RSF1: variants seen among roughly 807,000 people sequenced by gnomAD.
The protein encoded by RSF1 is remodeling and spacing factor 1, also known as HBV pX-associated protein 8.
A neutral mutation model predicts 145.2 loss-of-function variants in RSF1; 13 were observed. That is an observed-to-expected ratio of 0.09 (90% CI 0.06 to 0.14). RSF1 has a LOEUF of 0.14. Among genes scored for constraint, RSF1 ranks in the 10% least tolerant of loss-of-function variants. RSF1 has a pLI of 1.00. For missense variants in RSF1, 1,517 were observed against 1,718.2 expected (o/e 0.88, Z 2.07); for synonymous variants, 577 against 592.6 (o/e 0.97, Z 0.38).
chr11:77,824,187 C>G (rs563102087), upstream of RSF1, among the ~76,000 whole-genome samples: 329 of 152,278 alleles, frequency 2.2e-3, no homozygotes, highest in Non-Finnish European at 3.1e-3. Flanking sequence ...TTCTTGCTTT[C>G]CTGGGCTAAG....
intron 1 of RSF1, among the ~76,000 whole-genome samples, chr11:77,800,863 A>G (rs897365287): frequency 5.9e-5 from 9 of 151,862 alleles, no homozygotes; most frequent in African/African-American, 1.9e-4. Flanking sequence ...CTGTCTCTTC[A>G]ATTAGCTGAG....
At chr11:77,679,627 T>C (rs1383433658) in intron 11 of RSF1, among the ~76,000 whole-genome samples, 1 of 148,642 alleles carries the variant, frequency 6.7e-6, no homozygotes, top group African/African-American at 2.5e-5. Context: ...AAGCCGAGAA[T>C]GCACCACTGC....
chr11:77,833,919 T>C, the RSF1 span, among the ~76,000 whole-genome samples: 6 of 152,342 alleles, frequency 3.9e-5, no homozygotes, highest in African/African-American at 1.4e-4. Context: ...CAAAGAGTTA[T>C]ACATGTTAGA....
intron 4 of RSF1, among the ~76,000 whole-genome samples, chr11:77,737,597 AAAG>A (rs1465329943): frequency 2.1e-5 from 3 of 142,918 alleles, no homozygotes; most frequent in Non-Finnish European, 4.6e-5. Context: ...TAACAAATGG[AAAG>A]AAGTTTTATG....
Position 77,780,757 on chromosome 11 carries a change from A to G in RSF1, c.188-16068T>C, listed in dbSNP as rs192174745. 6.5e-3 allele frequency among the ~76,000 whole-genome samples: 982 copies of G among 151,110 alleles called. 11 individuals are homozygous for G. The highest frequency in any genetic ancestry group is 0.023 in the African/African-American group (945 of 41,238). On this transcript the variant is annotated intron_variant, in intron 1 of 15. Transcript: ENST00000308488. ...GGAGAATGGCTTGAACCCAGGAAGC[A>G]GAAGTTGCAGTGAGCCAAGATCATG...
In RSF1 at chr11:77,693,563, G is replaced by T. The variant is rs771791885; in HGVS notation, c.2764C>A (p.Arg922Ser). ...CDSGYHTACL[R>S]PPLMIIPDGE... ...TCTGGGATGATCATCAGAGGAGGGC[G>T]AAGGCAGGCAGTATGGTATCCACTA... The change falls in exon 8 of 16, where the codon CGC becomes AGC. Residue 922 changes from arginine to serine, a missense_variant. Around this residue, in one of 12 missense-constraint regions of RSF1, gnomAD observed 29 missense variants for 102.3 expected, o/e 0.28. Coordinates refer to ENST00000308488, the MANE Select transcript of RSF1 (RefSeq NM_016578.4). 6.2e-7 allele frequency: 1 copy of T among 1,613,964 alleles called. No homozygotes were observed. The highest frequency in any genetic ancestry group is 8.5e-7 in the Non-Finnish European group (1 of 1,179,934).
upstream of RSF1, among the ~76,000 whole-genome samples, chr11:77,823,285 C>T (rs1287488242): frequency 6.7e-6 from 1 of 149,830 alleles, no homozygotes; most frequent in Non-Finnish European, 1.5e-5. Flanking sequence ...TGAATTATCA[C>T]TGCCAAAGAA....
At chr11:77,777,073 A>C (rs901254652) in intron 1 of RSF1, among the ~76,000 whole-genome samples, 1 of 152,182 alleles carries the variant, frequency 6.6e-6, no homozygotes, top group African/African-American at 2.4e-5. Flanking sequence ...CACCTCACTT[A>C]AACAATTATA....
chr11:77,751,134 C>T (rs770719776), intron 2 of RSF1, among the ~76,000 whole-genome samples: 19 of 151,914 alleles, frequency 1.3e-4, no homozygotes, highest in Non-Finnish European at 2.6e-4. Flanking sequence ...TTAAAGGTTC[C>T]GTATCAGCTC....
At chr11:77,721,680 A>G (rs184673710) in intron 5 of RSF1, among the ~76,000 whole-genome samples, 69 of 152,362 alleles carry the variant, frequency 4.5e-4, no homozygotes, top group African/African-American at 1.6e-3. Context: ...GTATTGGCAC[A>G]TGGTAAATGG....
chr11:77,729,724 C>G (rs914732940), intron 4 of RSF1, among the ~76,000 whole-genome samples: 4 of 151,682 alleles, frequency 2.6e-5, no homozygotes, highest in African/African-American at 9.7e-5. Flanking sequence ...TCTCCCTGTA[C>G]CTTTCTCCCA....
intron 1 of RSF1, among the ~76,000 whole-genome samples, chr11:77,801,256 C>T (rs1948623690): frequency 6.6e-6 from 1 of 152,110 alleles, no homozygotes; most frequent in Non-Finnish European, 1.5e-5. Flanking sequence ...TGGTGAAACC[C>T]CAACTCTACT....
the RSF1 span, among the ~76,000 whole-genome samples, chr11:77,847,370 G>A: frequency 6.6e-6 from 1 of 152,130 alleles, no homozygotes; most frequent in African/African-American, 2.4e-5. Flanking sequence ...ACATTGTTCT[G>A]CATTGTAAAC....
chr11:77,816,219 A>C (rs1249723304), intron 1 of RSF1, among the ~76,000 whole-genome samples: 1 of 152,238 alleles, frequency 6.6e-6, no homozygotes, highest in Non-Finnish European at 1.5e-5. Context: ...ATGCCCTACC[A>C]GTGTCTACCA....
intron 1 of RSF1, among the ~76,000 whole-genome samples, chr11:77,781,766 G>C (rs981281405): frequency 2.0e-5 from 3 of 152,172 alleles, no homozygotes; most frequent in Non-Finnish European, 4.4e-5. Flanking sequence ...TGACTACTGA[G>C]AGGGAAGTGT....
At chr11:77,711,088 A>G (rs140491657) in intron 5 of RSF1, among the ~76,000 whole-genome samples, 215 of 151,440 alleles carry the variant, frequency 1.4e-3, no homozygotes, top group African/African-American at 5.0e-3. Context: ...TTCAGTAAAC[A>G]GGGTTAGGAA....
At chr11:77,760,003 T>C (rs545642118) in intron 2 of RSF1, among the ~76,000 whole-genome samples, 8 of 152,312 alleles carry the variant, frequency 5.3e-5, no homozygotes, top group African/African-American at 1.4e-4. Flanking sequence ...ACAGCCGCTA[T>C]GGAAAACAGT....
chr11:77,820,868 A>C, upstream of RSF1: 24 of 767,306 alleles, frequency 3.1e-5, 2 homozygotes, highest in South Asian at 4.2e-4. Flanking sequence ...CGATCCCACA[A>C]TACATCGGCG....
chr11:77,833,009 A>ATTTTTTTT, the RSF1 span, among the ~76,000 whole-genome samples: 1 of 60,036 alleles, frequency 1.7e-5, no homozygotes. Flanking sequence ...ATATATATAT[A>ATTTTTTTT]TTTTTTTTTT....
Sources: gnomAD v4.1 joint callset for allele counts (sites outside exome capture counted in the v4.1 genomes callset) on GRCh38, gnomAD v4.1.1 for gene constraint, gnomAD v4.1.1 regional missense constraint, MANE v1.5 for transcripts, NCBI Gene and HGNC (gene_info 2026-07-23, HGNC 2026-07-21) for gene names.